NEMF: variants seen among roughly 807,000 people sequenced by gnomAD.
NEMF encodes the protein ribosome quality control complex subunit NEMF.
A neutral mutation model predicts 162.2 loss-of-function variants in NEMF; 89 were observed. The ratio of observed to expected loss-of-function variants is 0.55; its 90% CI spans 0.46 to 0.65. The LOEUF is 0.65. Ranked by LOEUF, NEMF falls within the 30% of genes least tolerant of loss-of-function variation. NEMF has a pLI of 0.00. For synonymous variants in NEMF, 421 were observed against 404.5 expected, an observed-to-expected ratio of 1.04 and a Z score of -0.49; for missense variants, 1,133 against 1,261.9, an observed-to-expected ratio of 0.90 and a Z score of 1.55.
intron 26 of NEMF, among the ~76,000 whole-genome samples, chr14:49,791,458 GC>G (rs1890443821): frequency 6.6e-6 from 1 of 151,614 alleles, no homozygotes; most frequent in Non-Finnish European, 1.5e-5. Context: ...ATTCACTGAG[GC>G]CAGGCATGGT....
intron 17 of NEMF, among the ~76,000 whole-genome samples, chr14:49,814,413 T>C (rs1891627094): frequency 1.3e-5 from 2 of 152,180 alleles, no homozygotes; most frequent in Admixed American, 6.5e-5. Context: ...CAAGTCCTAC[T>C]TCTAGGTGTG....
chr14:49,851,503 A>T (rs957659392), intron 3 of NEMF, 60 bp downstream of exon 3: 3 of 1,173,252 alleles, frequency 2.6e-6, no homozygotes, highest in Non-Finnish European at 2.5e-6. Context: ...AACCCCAATT[A>T]AAAACTTAAT....
rs1206752729 is a variant in NEMF, at chr14:49,782,938, C to T, written c.*1698G>A. On this transcript the variant is annotated 3_prime_UTR_variant, in exon 33 of 33. Coordinates refer to ENST00000298310, the MANE Select transcript of NEMF (RefSeq NM_004713.6). ...TTAATCAGAGGTTTGGTAGTAACAA[C>T]ACTTCTGGATCTTAAGGCTTCATAA... 6.2e-7 allele frequency: 1 copy of T among 1,613,262 alleles called. No homozygotes were observed. Among genetic ancestry groups the T allele is most frequent in the South Asian group, 1.1e-5 (1 of 90,906 alleles).
intron 6 of NEMF, among the ~76,000 whole-genome samples, chr14:49,837,343 A>C (rs1892955004): frequency 6.6e-6 from 1 of 152,072 alleles, no homozygotes; most frequent in South Asian, 2.1e-4. Flanking sequence ...ACCTGATTTC[A>C]AACATTACAG....
In NEMF at chr14:49,783,598, A is replaced by G. The variant is rs1323255734; in HGVS notation, c.*1038T>C. ...GGAAATAATGATGACATCATTTTCC[A>G]TTCTGTTAAGAGACAGAGGAAAAGT... On this transcript the variant is annotated 3_prime_UTR_variant, in exon 33 of 33. Transcript: ENST00000298310. 5.3e-5 allele frequency: 8 copies of G among 152,152 alleles called. No individual in the cohort carries two copies. Among genetic ancestry groups the G allele is most frequent in the Admixed American group, 1.3e-4 (2 of 15,270 alleles). The allele number at this position is 152,152 out of a possible 1,614,324, so 9.4% of individuals were successfully genotyped here.
At chr14:49,814,626 T>C in intron 17 of NEMF, 128 bp downstream of exon 17, 1 of 568,354 alleles carries the variant, frequency 1.8e-6, no homozygotes, top group Non-Finnish European at 3.1e-6. Context: ...TGAAGCATCA[T>C]GCATCAAATC....
chr14:49,792,761 C>T (rs1431771551), intron 26 of NEMF, among the ~76,000 whole-genome samples: 2 of 152,116 alleles, frequency 1.3e-5, no homozygotes, highest in African/African-American at 4.8e-5. Flanking sequence ...AGGAGGATAA[C>T]TTGAGCCTAG....
chr14:49,841,847 T>C (rs1377485504), intron 4 of NEMF, among the ~76,000 whole-genome samples: 6 of 152,156 alleles, frequency 3.9e-5, no homozygotes, highest in African/African-American at 1.4e-4. Context: ...GGCTCACGCC[T>C]GTAATCCCAG....
intron 16 of NEMF, among the ~76,000 whole-genome samples, chr14:49,818,021 A>C (rs1407097311): frequency 6.6e-6 from 1 of 152,084 alleles, no homozygotes; most frequent in African/African-American, 2.4e-5. Flanking sequence ...CAAAACAGAG[A>C]GGGAGAAGAG....
At chr14:49,836,964 C>T (rs970778878) in intron 6 of NEMF, among the ~76,000 whole-genome samples, 11 of 152,106 alleles carry the variant, frequency 7.2e-5, no homozygotes, top group Non-Finnish European at 1.0e-4. Flanking sequence ...TGTGGCATCA[C>T]GTCTGTGCTC....
At chr14:49,848,651 A>G (rs1368637310) in intron 3 of NEMF, among the ~76,000 whole-genome samples, 2 of 152,112 alleles carry the variant, frequency 1.3e-5, no homozygotes, top group African/African-American at 2.4e-5. Flanking sequence ...CCTGGCCAAC[A>G]TGGTGAAACC....
intron 15 of NEMF, among the ~76,000 whole-genome samples, chr14:49,826,510 G>C (rs2139955326): frequency 7.6e-6 from 1 of 130,834 alleles, no homozygotes; most frequent in Middle Eastern, 5.1e-3. Flanking sequence ...GGGGTTATCA[G>C]GCAAAGAATA....
intron 19 of NEMF, among the ~76,000 whole-genome samples, chr14:49,805,008 CA>C (rs1891123496): frequency 6.6e-6 from 1 of 152,078 alleles, no homozygotes; most frequent in Non-Finnish European, 1.5e-5. Context: ...CCAGCCTGGA[CA>C]ACAGAGCAAG....
chr14:49,827,133 G>T (rs1294508239), intron 15 of NEMF, among the ~76,000 whole-genome samples: 1 of 152,194 alleles, frequency 6.6e-6, no homozygotes, highest in Admixed American at 6.5e-5. Context: ...GCTCTGAATT[G>T]TATTAAGATG....
At position 49,786,721 on chromosome 14, in the gene NEMF, A is replaced by C; in HGVS notation, c.2925T>G (p.Asn975Lys). 1 of 1,612,954 alleles carries C rather than the reference A, an allele frequency of 6.2e-7. No individual in the cohort carries two copies. Among genetic ancestry groups the C allele is most frequent in the Non-Finnish European group, 8.5e-7 (1 of 1,179,038 alleles). The change falls in exon 29 of 33, where the codon AAT (asparagine) becomes AAG (lysine). Residue 975 changes from asparagine to lysine, a missense_variant. Asn to Lys is a moderately conservative substitution (Grantham distance 94). Around this residue, in one of 3 missense-constraint regions of NEMF, gnomAD observed 532 missense variants for 578.6 expected, o/e 0.92. Coordinates refer to ENST00000298310, the MANE Select transcript of NEMF (RefSeq NM_004713.6). ...KEEQDLDQQG[N>K]EENLFDSLTG... ...GAACCCCAACATAAAATCATACCTC[A>C]TTTCCCTGTTGATCCAGATCTTGCT... is the stretch of plus-strand genomic sequence containing the variant.
Position 49,802,493 on chromosome 14 carries a change from A to G in NEMF, c.2055T>C (p.Ser685=), listed in dbSNP as rs1436300982. The G allele has an allele frequency of 2.5e-6, 4 of 1,613,922 alleles. No individual in the cohort carries two copies. Among genetic ancestry groups the G allele is most frequent in the East Asian group, 2.2e-5 (1 of 44,850 alleles). The change falls in exon 22 of 33, where the codon AGT becomes AGC. Residue 685 remains serine, a synonymous_variant. Transcript: ENST00000298310. ...VQDEDMETLA[S]CTSELISEEM... ...CTTCTGATATGAGTTCACTTGTACA[A>G]CTTGCCAGTGTCTCCATGTCTTCAT... is the stretch of plus-strand genomic sequence containing the variant.
intron 3 of NEMF, among the ~76,000 whole-genome samples, chr14:49,851,034 T>C (rs1051823877): frequency 3.2e-4 from 49 of 152,156 alleles, no homozygotes; most frequent in South Asian, 1.0e-3. Flanking sequence ...TGAAACCCCA[T>C]CTCTACTAAA....
At position 49,784,405 on chromosome 14, in the gene NEMF, T is replaced by A. The variant is rs1890060229; in HGVS notation, c.*231A>T. The A allele has an allele frequency of 9.5e-6, 4 of 420,442 alleles. No homozygotes were observed. Among genetic ancestry groups the A allele is most frequent in the South Asian group, 9.5e-5 (2 of 21,076 alleles). The allele number at this position is 420,442 out of a possible 1,614,324, so 26.0% of individuals were successfully genotyped here. A position where few individuals can be genotyped will look rare whatever the true frequency, so the allele number is the denominator to read the frequency against. On this transcript the variant is annotated 3_prime_UTR_variant, in exon 33 of 33. Coordinates refer to ENST00000298310, the MANE Select transcript of NEMF (RefSeq NM_004713.6). ...AATGTAGAATAACTACAGATGTATA[T>A]TAATTAGCATTTAACTGTCCACAAA... is the stretch of plus-strand genomic sequence containing the variant.
At position 49,783,150 on chromosome 14, in the gene NEMF, C is replaced by T; in HGVS notation, c.*1486G>A. 2.4e-6 allele frequency: 1 copy of T among 409,948 alleles called. No individual in the cohort carries two copies. The highest frequency in any genetic ancestry group is 4.2e-6 in the Non-Finnish European group (1 of 235,570). The allele number at this position is 409,948 out of a possible 1,614,324, so 25.4% of individuals were successfully genotyped here. On this transcript the variant is annotated 3_prime_UTR_variant, in exon 33 of 33. Transcript: ENST00000298310. Reference sequence around the variant, plus strand: ...TGTATTTAACACCAGTAGCTGTCCTCTATTAAAGTAAAGTAATGGTTGGGC... The same window carrying T: ...TGTATTTAACACCAGTAGCTGTCCTTTATTAAAGTAAAGTAATGGTTGGGC...
Sources: gnomAD v4.1 joint callset for allele counts (sites outside exome capture counted in the v4.1 genomes callset) on GRCh38, gnomAD v4.1.1 for gene constraint, gnomAD v4.1.1 regional missense constraint, MANE v1.5 for transcripts, NCBI Gene and HGNC (gene_info 2026-07-23, HGNC 2026-07-21) for gene names.